EVI5L: variants seen among roughly 807,000 people sequenced by gnomAD.
EVI5L encodes ecotropic viral integration site 5 like, also known as EVI5-like protein.
Under a neutral mutation model 106.1 loss-of-function variants are expected in EVI5L, and 30 were observed. The ratio of observed to expected loss-of-function variants is 0.28; its 90% CI spans 0.21 to 0.38. The LOEUF is 0.38. Ranked by LOEUF, EVI5L falls within the 10% of genes least tolerant of loss-of-function variation. EVI5L has a pLI of 1.00. For synonymous variants in EVI5L, 489 were observed against 483.3 expected, an observed-to-expected ratio of 1.01 and a Z score of -0.15; for missense variants, 809 against 1,098.0, an observed-to-expected ratio of 0.74 and a Z score of 3.72.
intron 1 of EVI5L, 26 bp downstream of exon 1, chr19:7,830,407 C>T (rs1978289886): frequency 6.6e-6 from 1 of 151,326 alleles, no homozygotes; most frequent in Non-Finnish European, 1.5e-5. Flanking sequence ...CCGGGCCTCC[C>T]GGGCGCCTGC....
At chr19:7,862,945 C>T (rs1302464082) in intron 17 of EVI5L, 27 bp from the exon 18 acceptor site, 1 of 1,477,566 alleles carries the variant, frequency 6.8e-7, no homozygotes, top group East Asian at 2.6e-5. Flanking sequence ...GACCCGCCCT[C>T]CTTTCCCCCC....
chr19:7,841,696 A>G (rs941665031), intron 1 of EVI5L, among the ~76,000 whole-genome samples: 12 of 152,138 alleles, frequency 7.9e-5, no homozygotes, highest in African/African-American at 2.7e-4. Flanking sequence ...AATTAAGGAC[A>G]CGGAGAGGCT....
rs116540531 is a variant in EVI5L at position 7,848,282 on chromosome 19, G to A, written c.327+361G>A. ...AGCCTGGGCAACGTAATGAGACTCC[G>A]ACTCTATAAAAAGTTTAAAAATTAG... On this transcript the variant is annotated intron_variant, in intron 3 of 19. Coordinates refer to ENST00000538904, the MANE Select transcript of EVI5L (RefSeq NM_001159944.3). The surrounding 1 kb of genome is among the most constrained non-coding windows in gnomAD (Gnocchi z 4.8). 5.9e-3 allele frequency among the ~76,000 whole-genome samples: 897 copies of A among 151,996 alleles called. 13 individuals are homozygous for A. Among genetic ancestry groups the A allele is most frequent in the African/African-American group, 0.021 (864 of 41,466 alleles).
chr19:7,862,497 G>A lies in EVI5L; in HGVS notation c.1910G>A (p.Ser637Asn). ...AQNKGLQTQLSESRRKQAEAE... is the reference protein window; with the variant it reads ...AQNKGLQTQLNESRRKQAEAE... ...AACAAGGGGCTGCAGACGCAGCTCA[G>A]CGAAAGCCGCCGCAAGCAGGCCGAG... The change falls in exon 17 of 20, where the codon AGC becomes AAC. Residue 637 changes from serine to asparagine, a missense_variant. By Grantham distance (46) the Ser-to-Asn change is conservative. Coordinates refer to ENST00000538904, the MANE Select transcript of EVI5L (RefSeq NM_001159944.3). The A allele has an allele frequency of 6.4e-7, 1 of 1,571,756 alleles. No individual in the cohort carries two copies. Among genetic ancestry groups the A allele is most frequent in the Non-Finnish European group, 8.6e-7 (1 of 1,160,030 alleles).
intron 17 of EVI5L, among the ~76,000 whole-genome samples, chr19:7,862,736 G>GGC (rs1979891661): frequency 2.1e-5 from 1 of 47,946 alleles, no homozygotes; most frequent in African/African-American, 7.1e-5. Context: ...CCCGCCTCCT[G>GGC]ACCACCCCCC....
intron 1 of EVI5L, among the ~76,000 whole-genome samples, chr19:7,832,521 G>C (rs1978297980): frequency 6.6e-6 from 1 of 152,166 alleles, no homozygotes; most frequent in African/African-American, 2.4e-5. Flanking sequence ...TTTTAGAACA[G>C]AACTTGGAAC....
At chr19:7,842,986 C>T (rs1055984723) in intron 1 of EVI5L, among the ~76,000 whole-genome samples, 8 of 144,340 alleles carry the variant, frequency 5.5e-5, no homozygotes, top group Admixed American at 2.8e-4. Context: ...TGGATGAGCA[C>T]GTGTGTTGAG....
rs56186481 is a variant in EVI5L at position 7,854,281 on chromosome 19, C to CAAA, written c.1146+962_1146+964dup. On this transcript the variant is annotated intron_variant, in intron 10 of 19. Coordinates refer to ENST00000538904, the MANE Select transcript of EVI5L (RefSeq NM_001159944.3). ...TGGGCGACAGAGTGAGACTGTGTCT[C>CAAA]AAAAAAAAAAAAAAAAGAAAAGAAA... Among the ~76,000 whole-genome samples the CAAA allele has an allele frequency of 2.7e-3, 257 of 94,696 alleles. 3 individuals are homozygous for CAAA. Among genetic ancestry groups the CAAA allele is most frequent in the Middle Eastern group, 9.8e-3 (2 of 204 alleles). 62.1% of individuals were successfully genotyped at this position (94,696 alleles called of 152,430 possible).
chr19:7,854,699 G>A (rs73923919), intron 10 of EVI5L, among the ~76,000 whole-genome samples: 10,768 of 152,240 alleles, frequency 0.071, 394 homozygotes, highest in Middle Eastern at 0.12. Flanking sequence ...AGAGATGATA[G>A]GGAAACCCAG....
In EVI5L at chr19:7,861,865, A is replaced by G; in HGVS notation, c.1504-13A>G. The G allele has an allele frequency of 6.5e-7, 1 of 1,549,248 alleles. No individual in the cohort carries two copies. ...CGCTGCTCCCCCAGGCCCTGACCCC[A>G]CTCTTCCCGCAGAGGAACAGCTCGC... On this transcript the variant is annotated splice_polypyrimidine_tract_variant and intron_variant, in intron 14 of 19. Transcript: ENST00000538904.
Position 7,858,689 on chromosome 19 carries a change from G to A in EVI5L, c.1374+358G>A, listed in dbSNP as rs1979654963. 5.8e-6 allele frequency: 1 copy of A among 172,928 alleles called. No homozygotes were observed. The highest frequency in any genetic ancestry group is 7.1e-5 in the Admixed American group (1 of 14,024). 10.7% of individuals were successfully genotyped at this position (172,928 alleles called of 1,614,324 possible). ...TTACGGAGGCTCTTGCCTGTCCCCA[G>A]GGTCTGAAGGATTGTTAGGTGTCCC... On this transcript the variant is annotated intron_variant, in intron 13 of 19. Coordinates refer to ENST00000538904, the MANE Select transcript of EVI5L (RefSeq NM_001159944.3). The surrounding 1 kb of genome is among the most constrained non-coding windows in gnomAD (Gnocchi z 5.7).
In EVI5L at chr19:7,862,223, G is replaced by A; in HGVS notation, c.1746G>A (p.Gln582=). Residue 582 remains glutamine (Q), a synonymous_variant, in exon 16 of 20, where the codon CAG becomes CAA. Transcript: ENST00000538904. The part of the protein sequence containing the change: ...ELMSVRLREA[Q]ALAEGRELRQ... The stretch of plus-strand genomic sequence containing the variant: ...TGAGCGTGCGTCTGCGCGAGGCCCA[G>A]GCCCTGGCCGAGGGCCGCGAGCTGC... 1 of 1,572,486 alleles carries A rather than the reference G, an allele frequency of 6.4e-7. No individual in the cohort carries two copies. The highest frequency in any genetic ancestry group is 8.6e-7 in the Non-Finnish European group (1 of 1,160,340).
chr19:7,848,989 G>C lies in EVI5L; in HGVS notation c.396G>C (p.Thr132=), dbSNP rs372104178. 1.2e-6 allele frequency: 2 copies of C among 1,613,552 alleles called. No individual in the cohort carries two copies. The highest frequency in any genetic ancestry group is 1.1e-5 in the South Asian group (1 of 91,080). Reference sequence around the variant, plus strand: ...TGTGGCAGCTTCTGTGCAGCGCCACGGACATGCCCGTCAAGAACCAGTACT... The same window carrying C: ...TGTGGCAGCTTCTGTGCAGCGCCACCGACATGCCCGTCAAGAACCAGTACT... ...AIVWQLLCSA[T]DMPVKNQYSE... The change falls in exon 4 of 20, where the codon ACG becomes ACC. Residue 132 remains threonine, a synonymous_variant. Transcript: ENST00000538904. The surrounding 1 kb of genome is among the most constrained non-coding windows in gnomAD (Gnocchi z 4.8).
intron 1 of EVI5L, among the ~76,000 whole-genome samples, chr19:7,833,343 G>A (rs912942332): frequency 3.9e-5 from 6 of 152,218 alleles, no homozygotes; most frequent in African/African-American, 1.4e-4. Flanking sequence ...GGCGGCCCCC[G>A]CCATGTGCTC....
Position 7,846,610 on chromosome 19 carries a change from C to T in EVI5L, c.68C>T (p.Pro23Leu). Residue 23 changes from proline to leucine, a missense_variant, in exon 2 of 20, where the codon CCA (proline) becomes CTA (leucine). By Grantham distance (98) the Pro-to-Leu change is moderately conservative (BLOSUM62 -3). Around this residue, in one of 2 missense-constraint regions of EVI5L, gnomAD observed 357 missense variants for 588.1 expected, o/e 0.61. Coordinates refer to ENST00000538904, the MANE Select transcript of EVI5L (RefSeq NM_001159944.3). Reference sequence around the variant, plus strand: ...GCCCTGTCGGCCCCCACCTGCTCCCCAACCTCTGACTCCGAGAACCTCAGC... The same window carrying T: ...GCCCTGTCGGCCCCCACCTGCTCCCTAACCTCTGACTCCGAGAACCTCAGC... ...QEALSAPTCS[P>L]TSDSENLSPD... The T allele has an allele frequency of 6.2e-7, 1 of 1,613,888 alleles. No individual in the cohort carries two copies. The highest frequency in any genetic ancestry group is 8.5e-7 in the Non-Finnish European group (1 of 1,179,964).
In EVI5L at chr19:7,862,396, C is replaced by A; in HGVS notation, c.1809C>A (p.Ile603=). ...RVVELETQDH[I]HRNLLNRVEA... ...CTTCCTCCCTATCCCAGGACCACAT[C>A]CACCGCAACCTTCTGAACCGCGTGG... The change falls in exon 17 of 20, where the codon ATC becomes ATA. Residue 603 remains isoleucine, a synonymous_variant. Coordinates refer to ENST00000538904, the MANE Select transcript of EVI5L (RefSeq NM_001159944.3). The A allele has an allele frequency of 1.2e-6, 2 of 1,604,826 alleles. No homozygotes were observed. Among genetic ancestry groups the A allele is most frequent in the Non-Finnish European group, 1.7e-6 (2 of 1,175,740 alleles).
chr19:7,853,337 A>T lies in EVI5L; in HGVS notation c.1146+4A>T. 1 of 1,609,096 alleles carries T rather than the reference A, an allele frequency of 6.2e-7. No individual in the cohort carries two copies. Among genetic ancestry groups the T allele is most frequent in the South Asian group, 1.1e-5 (1 of 90,542 alleles). On this transcript the variant is annotated splice_donor_region_variant and intron_variant, in intron 10 of 19. Transcript: ENST00000538904. Reference sequence around the variant, plus strand: ...GGAGGAGCAGATCGAGATCAAAGTGAGTCCAGGGGCCCAGGGGCGGGGACA... The same window carrying T: ...GGAGGAGCAGATCGAGATCAAAGTGTGTCCAGGGGCCCAGGGGCGGGGACA...
chr19:7,838,100 TTTTTGTTTTG>T (rs1239787605), intron 1 of EVI5L, among the ~76,000 whole-genome samples: 15 of 151,888 alleles, frequency 9.9e-5, no homozygotes, highest in Admixed American at 9.9e-4. Context: ...GGTTGGTTTT[TTTTTGTTTTG>T]TTTTGTTTTG....
At position 7,832,266 on chromosome 19, in the gene EVI5L, C is replaced by A. The variant is rs147981640; in HGVS notation, c.-48+1885C>A. Among the ~76,000 whole-genome samples the A allele has an allele frequency of 4.6e-3, 701 of 152,294 alleles. 3 individuals carry two copies. The highest frequency in any genetic ancestry group is 6.5e-3 in the Non-Finnish European group (444 of 68,022). On this transcript the variant is annotated intron_variant, in intron 1 of 19. Transcript: ENST00000538904. ...GACAAGACAGGAGAGGAGATGCTGG[C>A]GCGACACTGTGGCCAGGACTGCAGG...
Sources: gnomAD v4.1 joint callset for allele counts (sites outside exome capture counted in the v4.1 genomes callset) on GRCh38, gnomAD v4.1.1 for gene constraint, gnomAD v4.1.1 regional missense constraint, Gnocchi (gnomAD v3.1) non-coding constraint, MANE v1.5 for transcripts, NCBI Gene and HGNC (gene_info 2026-07-23, HGNC 2026-07-21) for gene names.